Variants in RBFOX1 observed in about 807,000 individuals in gnomAD.
RBFOX1 encodes the protein RNA binding protein fox-1 homolog 1.
In RBFOX1, 8 loss-of-function variants were observed where a neutral mutation model predicts 57.7. That is an observed-to-expected ratio of 0.14 (90% CI 0.08 to 0.25). The LOEUF is 0.25. Among genes scored for constraint, RBFOX1 ranks in the 10% least tolerant of loss-of-function variants. RBFOX1 has a pLI of 1.00. For missense variants in RBFOX1, 611 were observed against 548.5 expected, an observed-to-expected ratio of 1.11 and a Z score of -1.14; for synonymous variants, 326 against 222.4, an observed-to-expected ratio of 1.47 and a Z score of -4.15.
chr16:6,317,138 T>A, intron 2 of RBFOX1, 81 bp downstream of exon 2: 1 of 1,347,704 alleles, frequency 7.4e-7, no homozygotes, highest in Non-Finnish European at 1.0e-6. Context: ...AGCTCTTTTC[T>A]GCAGGTTTGA....
chr16:5,906,727 C>CTTTTTTT (rs57589514), intron 4 of RBFOX1, among the ~76,000 whole-genome samples: 74 of 71,480 alleles, frequency 1.0e-3, no homozygotes, highest in Non-Finnish European at 1.2e-3. Flanking sequence ...ATCCTAGATT[C>CTTTTTTT]TTTTTTTTTT....
chr16:6,953,932 C>T (rs926213500), intron 3 of RBFOX1, among the ~76,000 whole-genome samples: 7 of 152,154 alleles, frequency 4.6e-5, no homozygotes, highest in African/African-American at 1.7e-4. Context: ...CATCTCTTTC[C>T]TGACAGAGGA....
At chr16:5,394,263 C>G (rs1000809678) in intron 1 of RBFOX1, among the ~76,000 whole-genome samples, 1 of 152,164 alleles carries the variant, frequency 6.6e-6, no homozygotes, top group African/African-American at 2.4e-5. Context: ...AACTCGTGAT[C>G]TGCCCGCCTC....
At chr16:6,434,298 C>T (rs931353360) in intron 2 of RBFOX1, among the ~76,000 whole-genome samples, 1 of 152,124 alleles carries the variant, frequency 6.6e-6, no homozygotes, top group African/African-American at 2.4e-5. Context: ...AGGACATGGA[C>T]GTCTTTGAGA....
At chr16:7,013,202 C>T (rs2093734484) in intron 3 of RBFOX1, among the ~76,000 whole-genome samples, 1 of 152,136 alleles carries the variant, frequency 6.6e-6, no homozygotes, top group Non-Finnish European at 1.5e-5. Flanking sequence ...TGAGATTGAG[C>T]CATTTAGTTC....
intron 3 of RBFOX1, among the ~76,000 whole-genome samples, chr16:6,666,085 T>G (rs1041170335): frequency 6.6e-6 from 1 of 152,172 alleles, no homozygotes; most frequent in Non-Finnish European, 1.5e-5. Flanking sequence ...TCTGCCACCA[T>G]ATAAAACGTG....
At chr16:7,352,839 C>T (rs1317836885) in intron 4 of RBFOX1, among the ~76,000 whole-genome samples, 1 of 152,102 alleles carries the variant, frequency 6.6e-6, no homozygotes, top group African/African-American at 2.4e-5. Flanking sequence ...CCTCAACCTC[C>T]CAAGTAGCTG....
At chr16:6,117,642 C>A (rs1472898956) in intron 1 of RBFOX1, among the ~76,000 whole-genome samples, 8 of 152,244 alleles carry the variant, frequency 5.3e-5, no homozygotes, top group African/African-American at 1.9e-4. Context: ...AGCTTTCACT[C>A]AACAACTGAG....
intron 3 of RBFOX1, among the ~76,000 whole-genome samples, chr16:6,774,840 A>G (rs2079042534): frequency 6.6e-6 from 1 of 152,078 alleles, no homozygotes; most frequent in Non-Finnish European, 1.5e-5. Context: ...CCTACTGAGC[A>G]TTTGAAATGT....
chr16:6,782,793 C>G (rs1003085032), intron 3 of RBFOX1, among the ~76,000 whole-genome samples: 1 of 152,112 alleles, frequency 6.6e-6, no homozygotes, highest in African/African-American at 2.4e-5. Context: ...AATTTTCTTT[C>G]TAGGTTTTTT....
intron 4 of RBFOX1, among the ~76,000 whole-genome samples, chr16:7,369,721 A>G (rs1207867568): frequency 2.0e-5 from 3 of 152,188 alleles, no homozygotes; most frequent in Admixed American, 6.5e-5. Context: ...TAGCAATAGC[A>G]TACCTTTCCA....
intron 2 of RBFOX1, among the ~76,000 whole-genome samples, chr16:6,447,096 C>G (rs571835050): frequency 6.6e-6 from 1 of 152,306 alleles, no homozygotes; most frequent in South Asian, 2.1e-4. Context: ...AAACCGCACA[C>G]CAGATTGCGA....
intron 1 of RBFOX1, among the ~76,000 whole-genome samples, chr16:6,310,258 A>G (rs2080089788): frequency 6.6e-6 from 1 of 152,216 alleles, no homozygotes; most frequent in Admixed American, 6.5e-5. Flanking sequence ...TTCATCAGTA[A>G]GAGAAGAGCC....
intron 1 of RBFOX1, among the ~76,000 whole-genome samples, chr16:5,280,632 T>A (rs558656278): frequency 2.2e-4 from 33 of 152,180 alleles, no homozygotes; most frequent in Non-Finnish European, 4.7e-4. Flanking sequence ...TCAGTTCAGG[T>A]TTTCTGTTTC....
intron 1 of RBFOX1, among the ~76,000 whole-genome samples, chr16:6,091,188 G>A (rs557296842): frequency 2.3e-4 from 35 of 152,152 alleles, no homozygotes; most frequent in Admixed American, 1.8e-3. Flanking sequence ...CCCATTAACC[G>A]ATTTGTCTTC....
chr16:7,688,627 G>T (rs1206119088), intron 14 of RBFOX1, among the ~76,000 whole-genome samples: 1 of 151,958 alleles, frequency 6.6e-6, no homozygotes, highest in Non-Finnish European at 1.5e-5. Flanking sequence ...AGGAACAAAA[G>T]TGGGCTATGA....
intron 4 of RBFOX1, among the ~76,000 whole-genome samples, chr16:7,390,401 C>T (rs79623106): frequency 0.024 from 3,708 of 152,220 alleles, 144 homozygotes; most frequent in African/African-American, 0.082. Flanking sequence ...TATGAGATTT[C>T]GATACTTGGA....
intron 14 of RBFOX1, chr16:7,693,429 T>G (rs1472312405): frequency 4.5e-6 from 6 of 1,324,210 alleles, no homozygotes. Context: ...TTTTTTTTTT[T>G]TTTTTCTTCT....
intron 1 of RBFOX1, among the ~76,000 whole-genome samples, chr16:6,234,458 A>T (rs546037116): frequency 6.6e-6 from 1 of 152,166 alleles, no homozygotes; most frequent in Non-Finnish European, 1.5e-5. Context: ...GCCACTTAGC[A>T]TGGTGATGTC....
Sources: allele counts gnomAD v4.1 joint callset (sites outside exome capture counted in the v4.1 genomes callset), GRCh38; gene constraint gnomAD v4.1.1; transcripts MANE v1.5; gene names NCBI Gene and HGNC (gene_info 2026-07-23, HGNC 2026-07-21).